Variants in KALRN observed in about 807,000 individuals in gnomAD.
KALRN encodes the protein kalirin.
In KALRN, 70 loss-of-function variants were observed where a neutral mutation model predicts 353.7. The observed-to-expected ratio is 0.20, with a 90% CI of 0.16 to 0.24. The LOEUF is 0.24. Among genes scored for constraint, KALRN ranks in the 10% least tolerant of loss-of-function variants. The pLI is 1.00. For synonymous variants in KALRN, 1,391 were observed against 1,434.8 expected, an observed-to-expected ratio of 0.97 and a Z score of 0.69; for missense variants, 2,791 against 3,756.7, an observed-to-expected ratio of 0.74 and a Z score of 6.72.
chr3:124,206,033 A>C (rs1211931613), intron 1 of KALRN, among the ~76,000 whole-genome samples: 2 of 152,242 alleles, frequency 1.3e-5, no homozygotes, highest in African/African-American at 4.8e-5. Flanking sequence ...GTAGAGATAG[A>C]AAGCAATTTC....
At chr3:124,688,972 C>T (rs1468498295) in intron 51 of KALRN, among the ~76,000 whole-genome samples, 1 of 152,194 alleles carries the variant, frequency 6.6e-6, no homozygotes, top group Non-Finnish European at 1.5e-5. Context: ...GCTGATGGAT[C>T]ACATTGTGGT....
chr3:124,685,769 CAT>C (rs2061528487), intron 51 of KALRN, among the ~76,000 whole-genome samples: 1 of 152,322 alleles, frequency 6.6e-6, no homozygotes. Flanking sequence ...CTCAGGTCAA[CAT>C]AGTCACTCAG....
intron 1 of KALRN, among the ~76,000 whole-genome samples, chr3:124,060,362 T>C (rs1346163074): frequency 6.6e-6 from 1 of 152,206 alleles, no homozygotes; most frequent in Non-Finnish European, 1.5e-5. Flanking sequence ...CAAAGAAAAG[T>C]ACTATTGTAG....
intron 34 of KALRN, among the ~76,000 whole-genome samples, chr3:124,612,866 C>T (rs1165103812): frequency 6.6e-6 from 1 of 150,870 alleles, no homozygotes; most frequent in African/African-American, 2.5e-5. Context: ...GTAGTATCTT[C>T]AAATATAAAA....
chr3:124,420,215 G>A (rs1166071878), intron 14 of KALRN, among the ~76,000 whole-genome samples: 1 of 152,214 alleles, frequency 6.6e-6, no homozygotes, highest in Non-Finnish European at 1.5e-5. Flanking sequence ...AGGACATGCT[G>A]GGAGCCTGCT....
intron 7 of KALRN, among the ~76,000 whole-genome samples, chr3:124,329,060 G>A (rs957962444): frequency 2.0e-5 from 3 of 152,182 alleles, no homozygotes; most frequent in African/African-American, 7.2e-5. Flanking sequence ...CAGACAGAAC[G>A]ATTCCAGACT....
At chr3:124,269,807 C>T (rs1170701395) in intron 5 of KALRN, among the ~76,000 whole-genome samples, 1 of 152,232 alleles carries the variant, frequency 6.6e-6, no homozygotes, top group African/African-American at 2.4e-5. Context: ...TCTCTCTTGA[C>T]ATGCAGGGAA....
At chr3:124,520,882 G>A (rs900054139) in intron 33 of KALRN, among the ~76,000 whole-genome samples, 1 of 152,230 alleles carries the variant, frequency 6.6e-6, no homozygotes, top group African/African-American at 2.4e-5. Context: ...ATGAAGAGAA[G>A]TAGATAACTT....
At chr3:124,526,221 T>C (rs2109076049) in intron 33 of KALRN, among the ~76,000 whole-genome samples, 1 of 152,270 alleles carries the variant, frequency 6.6e-6, no homozygotes, top group Non-Finnish European at 1.5e-5. Context: ...GACCTCAAAT[T>C]TGGCTATAAT....
rs34205784 is a variant in KALRN at position 124,124,057 on chromosome 3, A to T, written c.73+90244A>T. 3.8e-3 allele frequency among the ~76,000 whole-genome samples: 585 copies of T among 152,368 alleles called. 1 individual carries two copies. Among genetic ancestry groups the T allele is most frequent in the Non-Finnish European group, 6.8e-3 (465 of 68,046 alleles). Reference sequence around the variant, plus strand: ...TGACTTTCAAGTCTTATTATTTAAGAAGTACATTTCATAAGACTATTGCTG... The same window carrying T: ...TGACTTTCAAGTCTTATTATTTAAGTAGTACATTTCATAAGACTATTGCTG... On this transcript the variant is annotated intron_variant, in intron 1 of 59. Coordinates refer to ENST00000682506, the MANE Select transcript of KALRN (RefSeq NM_001388419.1).
intron 1 of KALRN, among the ~76,000 whole-genome samples, chr3:124,079,827 T>C (rs2060448729): frequency 6.6e-6 from 1 of 152,256 alleles, no homozygotes; most frequent in Non-Finnish European, 1.5e-5. Flanking sequence ...GTCACTTGTA[T>C]TTATTTGTCT....
chr3:124,281,077 A>G (rs927735723), intron 5 of KALRN, among the ~76,000 whole-genome samples: 2 of 152,158 alleles, frequency 1.3e-5, no homozygotes, highest in Admixed American at 6.5e-5. Context: ...GAAAAAAAAC[A>G]CGCAAAGGAA....
At chr3:124,718,314 G>T (rs1289175100) in intron 59 of KALRN, among the ~76,000 whole-genome samples, 5 of 151,026 alleles carry the variant, frequency 3.3e-5, no homozygotes, top group African/African-American at 9.8e-5. Context: ...GTAGAGATGG[G>T]GTTTCAACAT....
At chr3:124,369,591 T>G (rs1037975239) in intron 10 of KALRN, among the ~76,000 whole-genome samples, 16 of 152,212 alleles carry the variant, frequency 1.1e-4, no homozygotes, top group Admixed American at 2.0e-4. Flanking sequence ...AGTTATCATT[T>G]TTGTGGTGAG....
intron 1 of KALRN, among the ~76,000 whole-genome samples, chr3:124,085,623 G>T (rs1212747820): frequency 1.3e-5 from 2 of 152,128 alleles, no homozygotes; most frequent in Admixed American, 6.5e-5. Context: ...ATGAGTAGGG[G>T]GTAGAGAAGG....
chr3:124,453,303 C>T (rs2058979356), intron 21 of KALRN, among the ~76,000 whole-genome samples: 1 of 152,202 alleles, frequency 6.6e-6, no homozygotes, highest in African/African-American at 2.4e-5. Context: ...TCTTCCAGTG[C>T]CAGGCACCAG....
Position 124,484,688 on chromosome 3 carries a change from C to T in KALRN, c.4284+1788C>T, listed in dbSNP as rs1054769089. Among the ~76,000 whole-genome samples, 58 of 152,230 alleles carry T rather than the reference C, an allele frequency of 3.8e-4. 2 individuals are homozygous for T. The highest frequency in any genetic ancestry group is 3.1e-3 in the Admixed American group (47 of 15,284). On this transcript the variant is annotated intron_variant, in intron 28 of 59. Coordinates refer to ENST00000682506, the MANE Select transcript of KALRN (RefSeq NM_001388419.1). ...TGACAGCTGCATAGGCCATTCTTTACGTGTGGCTATTAGAAAGTTAGCATT... is the reference window on the plus strand; with the variant it reads ...TGACAGCTGCATAGGCCATTCTTTATGTGTGGCTATTAGAAAGTTAGCATT...
rs530919209 is a variant in KALRN at position 124,083,268 on chromosome 3, G to A, written c.73+49455G>A. Among the ~76,000 whole-genome samples, 7 of 152,258 alleles carry A rather than the reference G, an allele frequency of 4.6e-5. No homozygotes were observed. The South Asian group carries it at 1.2e-3, about 27-fold the overall frequency. On this transcript the variant is annotated intron_variant, in intron 1 of 59. Transcript: ENST00000682506. Reference sequence around the variant, plus strand: ...GGATACACCAATGAACAGGACCTGGGTGGGAAGACAGATGATAATATGGGG... The same window carrying A: ...GGATACACCAATGAACAGGACCTGGATGGGAAGACAGATGATAATATGGGG...
intron 3 of KALRN, among the ~76,000 whole-genome samples, chr3:124,246,766 T>A (rs967067523): frequency 3.9e-5 from 6 of 152,176 alleles, no homozygotes; most frequent in Admixed American, 2.0e-4. Flanking sequence ...TCAACTTCAA[T>A]GTCAGGTGAA....
Sources: gnomAD v4.1 joint callset for allele counts (sites outside exome capture counted in the v4.1 genomes callset) on GRCh38, gnomAD v4.1.1 for gene constraint, MANE v1.5 for transcripts, NCBI Gene and HGNC (gene_info 2026-07-23, HGNC 2026-07-21) for gene names.